The following NEGR1 variants were observed in gnomAD, a reference collection of about 807,000 sequenced individuals.
NEGR1 encodes the protein IgLON family member 4.
Under a neutral mutation model 40.9 loss-of-function variants are expected in NEGR1, and 10 were observed. That is an observed-to-expected ratio of 0.24 (90% CI 0.15 to 0.42). The LOEUF is 0.42. NEGR1 is among the 10% of genes least tolerant of loss of function. NEGR1 has a pLI of 1.00. For synonymous variants in NEGR1, 185 were observed against 166.8 expected, an observed-to-expected ratio of 1.11 and a Z score of -0.84; for missense variants, 352 against 438.9, an observed-to-expected ratio of 0.80 and a Z score of 1.77.
At position 71,841,241 on chromosome 1, in the gene NEGR1, A is replaced by G. The variant is rs115403961; in HGVS notation, c.410-64944T>C. Among the ~76,000 whole-genome samples, 643 of 151,344 alleles carry G rather than the reference A, an allele frequency of 4.2e-3. 4 individuals carry two copies. Among genetic ancestry groups the G allele is most frequent in the African/African-American group, 0.015 (616 of 41,500 alleles). On this transcript the variant is annotated intron_variant, in intron 2 of 6. Transcript: ENST00000357731. ...ATGAATGTCTTCTCAATTTCTGCAT[A>G]ATAACATAATTTTCAAATATAAATT...
At chr1:71,682,607 T>G (rs973766530) in intron 4 of NEGR1, among the ~76,000 whole-genome samples, 4 of 152,196 alleles carry the variant, frequency 2.6e-5, no homozygotes, top group Non-Finnish European at 5.9e-5. Context: ...AACAGTAAAT[T>G]TAAATAACGC....
chr1:72,264,919 T>A (rs756791795), intron 1 of NEGR1, among the ~76,000 whole-genome samples: 1 of 150,736 alleles, frequency 6.6e-6, no homozygotes, highest in Non-Finnish European at 1.5e-5. Flanking sequence ...AATAAATTAT[T>A]TTATTTATGT....
At chr1:71,955,066 A>G (rs1194388956) in intron 1 of NEGR1, among the ~76,000 whole-genome samples, 6 of 152,156 alleles carry the variant, frequency 3.9e-5, no homozygotes, top group Admixed American at 6.6e-5. Flanking sequence ...CTCAATTCCA[A>G]CTGAATCCAA....
intron 6 of NEGR1, 170 bp from the exon 7 acceptor site, chr1:71,407,740 A>T (rs533319412): frequency 1.8e-6 from 1 of 566,286 alleles, no homozygotes; most frequent in East Asian, 3.0e-5. Flanking sequence ...TATGTGGCTA[A>T]CTTCTCAGAG....
Position 71,928,113 on chromosome 1 carries a change from C to CACATATGTGTATATACACATATGTAT in NEGR1, c.409+6965_409+6966insATACATATGTGTATATACACATATGT, listed in dbSNP as rs1553122115. ...ATATACACACATATGTATATATACA[C>CACATATGTGTATATACACATATGTAT]ATATGTATATATACACACATATGTA... On this transcript the variant is annotated intron_variant, in intron 2 of 6. Coordinates refer to ENST00000357731, the MANE Select transcript of NEGR1 (RefSeq NM_173808.3). Among the ~76,000 whole-genome samples the CACATATGTGTATATACACATATGTAT allele has an allele frequency of 1.1e-4, 8 of 72,700 alleles. 1 individual carries two copies. Among genetic ancestry groups the CACATATGTGTATATACACATATGTAT allele is most frequent in the African/African-American group, 3.8e-4 (6 of 15,808 alleles). The allele number at this position is 72,700 out of a possible 152,430, so 47.7% of individuals were successfully genotyped here.
chr1:71,834,194 G>A (rs1289661074), intron 2 of NEGR1, among the ~76,000 whole-genome samples: 1 of 152,096 alleles, frequency 6.6e-6, no homozygotes, highest in African/African-American at 2.4e-5. Flanking sequence ...TGAATTGGGA[G>A]TAAGAAGAAA....
At chr1:72,205,603 G>C (rs1276572227) in intron 1 of NEGR1, among the ~76,000 whole-genome samples, 1 of 147,372 alleles carries the variant, frequency 6.8e-6, no homozygotes, top group Non-Finnish European at 1.5e-5. Context: ...ACAGGTAATA[G>C]ATAATTTTTG....
At chr1:71,415,379 T>G (rs1646348702) in intron 6 of NEGR1, among the ~76,000 whole-genome samples, 1 of 152,078 alleles carries the variant, frequency 6.6e-6, no homozygotes, top group Non-Finnish European at 1.5e-5. Flanking sequence ...ACCAGCATCC[T>G]TAAGTCCCAT....
At chr1:72,102,090 C>T (rs748248261) in intron 1 of NEGR1, among the ~76,000 whole-genome samples, 1 of 152,156 alleles carries the variant, frequency 6.6e-6, no homozygotes, top group South Asian at 2.1e-4. Context: ...GAAGAGATGT[C>T]TTACTCTAAA....
At chr1:72,099,204 T>C (rs1210718757) in intron 1 of NEGR1, among the ~76,000 whole-genome samples, 4 of 152,004 alleles carry the variant, frequency 2.6e-5, no homozygotes, top group African/African-American at 9.6e-5. Flanking sequence ...TAAATTTTCA[T>C]AGCATTTTAA....
At chr1:71,474,255 A>G (rs963454709) in intron 6 of NEGR1, among the ~76,000 whole-genome samples, 7 of 150,910 alleles carry the variant, frequency 4.6e-5, no homozygotes, top group Admixed American at 2.7e-4. Context: ...TTAATTAACC[A>G]TGGAATAAAT....
At chr1:71,860,377 C>G (rs1233757389) in intron 2 of NEGR1, among the ~76,000 whole-genome samples, 2 of 151,886 alleles carry the variant, frequency 1.3e-5, no homozygotes, top group Non-Finnish European at 1.5e-5. Context: ...TGTTTTTCAG[C>G]AATCTATTCA....
At chr1:72,006,734 T>A (rs959353153) in intron 1 of NEGR1, among the ~76,000 whole-genome samples, 5 of 152,060 alleles carry the variant, frequency 3.3e-5, no homozygotes, top group Non-Finnish European at 5.9e-5. Context: ...CTACTGCTAA[T>A]GTATTCTCAT....
chr1:71,731,931 T>A (rs973787242), intron 3 of NEGR1, among the ~76,000 whole-genome samples: 4 of 152,208 alleles, frequency 2.6e-5, no homozygotes, highest in African/African-American at 9.6e-5. Flanking sequence ...TTATTAGACT[T>A]CTATTTGCAT....
chr1:71,553,911 T>C (rs1487080953), intron 6 of NEGR1, among the ~76,000 whole-genome samples: 1 of 151,520 alleles, frequency 6.6e-6, no homozygotes, highest in Non-Finnish European at 1.5e-5. Context: ...CATATTTCCT[T>C]TTGATGATAG....
At chr1:72,220,478 A>G (rs1422340156) in intron 1 of NEGR1, among the ~76,000 whole-genome samples, 1 of 151,740 alleles carries the variant, frequency 6.6e-6, no homozygotes, top group East Asian at 1.9e-4. Context: ...CCATTAATTG[A>G]CCAAAATCAG....
At chr1:71,626,657 T>C (rs1252631887) in intron 4 of NEGR1, among the ~76,000 whole-genome samples, 1 of 151,924 alleles carries the variant, frequency 6.6e-6, no homozygotes, top group East Asian at 1.9e-4. Context: ...CTAATTAAAC[T>C]AAAGAACTTC....
rs546025996 is a variant in NEGR1, at chr1:71,939,260, C to T, written c.177-3949G>A. 3.3e-5 allele frequency among the ~76,000 whole-genome samples: 5 copies of T among 152,202 alleles called. No individual in the cohort carries two copies. In the South Asian group the frequency reaches 8.3e-4, roughly 25 times the overall value. ...CTAATGTATTAAACAGCAAAAATAG[C>T]GCGACTGTTCCCACACTCCCTTTAT... On this transcript the variant is annotated intron_variant, in intron 1 of 6. Transcript: ENST00000357731.
intron 1 of NEGR1, among the ~76,000 whole-genome samples, chr1:72,258,361 T>C (rs1655343810): frequency 6.6e-6 from 1 of 152,160 alleles, no homozygotes; most frequent in Non-Finnish European, 1.5e-5. Flanking sequence ...GAATGGGCTT[T>C]TAGAGGTACA....
Sources: allele counts gnomAD v4.1 joint callset (sites outside exome capture counted in the v4.1 genomes callset), GRCh38; gene constraint gnomAD v4.1.1; transcripts MANE v1.5; gene names NCBI Gene and HGNC (gene_info 2026-07-23, HGNC 2026-07-21).